Variants in DCAF6 observed in about 807,000 individuals in gnomAD.
DCAF6 encodes DDB1- and CUL4-associated factor 6.
Under a neutral mutation model 125.1 loss-of-function variants are expected in DCAF6, and 54 were observed. That is an observed-to-expected ratio of 0.43 (90% CI 0.35 to 0.54). DCAF6 has a LOEUF of 0.54. Among genes scored for constraint, DCAF6 ranks in the 20% least tolerant of loss-of-function variants. DCAF6 has a pLI of 0.01. For synonymous variants in DCAF6, 371 were observed against 390.4 expected (o/e 0.95, Z 0.58); for missense variants, 934 against 1,161.7 (o/e 0.80, Z 2.85).
rs547435311 is a variant in DCAF6 at position 167,942,984 on chromosome 1, A to G, written c.97+5976A>G. Among the ~76,000 whole-genome samples the G allele has an allele frequency of 3.2e-3, 493 of 152,016 alleles. 12 individuals carry two copies. The highest frequency in any genetic ancestry group is 2.5e-3 in the Non-Finnish European group (173 of 67,934). ...TGCAGTGGCTCGATCTTGGCTCACT[A>G]CAAGCTCCGCCTCCTGGGTTCACAC... On this transcript the variant is annotated intron_variant, in intron 1 of 21. Transcript: ENST00000367840.
At chr1:167,934,497 G>C (rs78979111), upstream of DCAF6, among the ~76,000 whole-genome samples, 4,514 of 152,242 alleles carry the variant, frequency 0.03, 199 homozygotes, top group African/African-American at 0.1. Context: ...TTTTAAATCA[G>C]TAACAAACTG....
chr1:167,917,762 T>C, the DCAF6 span: 1 of 152,276 alleles, frequency 6.6e-6, no homozygotes, highest in Non-Finnish European at 1.5e-5. Context: ...AAACATTATC[T>C]CATTAATCTT....
intron 7 of DCAF6, among the ~76,000 whole-genome samples, chr1:167,999,686 T>G (rs1026974070): frequency 3.3e-5 from 5 of 152,198 alleles, no homozygotes; most frequent in African/African-American, 1.2e-4. Flanking sequence ...TTCAGACTTT[T>G]ATTCTACAGC....
Position 168,066,470 on chromosome 1 carries a change from G to C in DCAF6, c.2685+5G>C. On this transcript the variant is annotated splice_donor_5th_base_variant and intron_variant, in intron 20 of 21. Transcript: ENST00000367840. ...AACCGAAAACTTGCTGATGAAGTAA[G>C]ATTTTTATTGTACTTACTATAGACC... The C allele has an allele frequency of 1.9e-6, 3 of 1,563,134 alleles. No homozygotes were observed. The highest frequency in any genetic ancestry group is 2.6e-6 in the Non-Finnish European group (3 of 1,136,084).
intron 1 of DCAF6, among the ~76,000 whole-genome samples, chr1:167,942,344 A>G (rs1672381056): frequency 1.3e-5 from 2 of 152,160 alleles, no homozygotes; most frequent in South Asian, 2.1e-4. Flanking sequence ...GATTACAAGC[A>G]TGAGCCGCTG....
At chr1:168,073,261 A>C (rs1693366906) in intron 21 of DCAF6, among the ~76,000 whole-genome samples, 1 of 152,204 alleles carries the variant, frequency 6.6e-6, no homozygotes. Flanking sequence ...ACTGTTCTTC[A>C]GACCTCCTTG....
At chr1:168,027,218 A>T (rs80103548) in intron 12 of DCAF6, among the ~76,000 whole-genome samples, 3,038 of 152,222 alleles carry the variant, frequency 0.02, 54 homozygotes, top group Middle Eastern at 0.048. Context: ...AAAAAGGTAG[A>T]GACTTTGTTA....
At chr1:167,950,545 T>G (rs1251692085) in intron 1 of DCAF6, among the ~76,000 whole-genome samples, 1 of 152,204 alleles carries the variant, frequency 6.6e-6, no homozygotes, top group African/African-American at 2.4e-5. Flanking sequence ...ATCTTACCAG[T>G]TAAATAACAT....
chr1:167,947,394 C>A (rs1673238556), intron 1 of DCAF6, among the ~76,000 whole-genome samples: 1 of 146,974 alleles, frequency 6.8e-6, no homozygotes, highest in South Asian at 2.1e-4. Context: ...ATCTTTATTT[C>A]TTTTCTTCTG....
chr1:167,882,055 A>G, the DCAF6 span, among the ~76,000 whole-genome samples: 1 of 152,230 alleles, frequency 6.6e-6, no homozygotes, highest in Non-Finnish European at 1.5e-5. Context: ...TTGTTGAATT[A>G]GTGAGTGAGT....
chr1:167,876,928 T>C, the DCAF6 span, among the ~76,000 whole-genome samples: 3 of 152,128 alleles, frequency 2.0e-5, no homozygotes, highest in Non-Finnish European at 2.9e-5. Context: ...ATGAGACACA[T>C]AGAGCCAGAT....
chr1:167,881,936 C>T, the DCAF6 span, among the ~76,000 whole-genome samples: 5 of 152,202 alleles, frequency 3.3e-5, no homozygotes, highest in African/African-American at 4.8e-5. Context: ...AGAGTTAGTT[C>T]GTCTCATATA....
intron 4 of DCAF6, among the ~76,000 whole-genome samples, chr1:167,979,300 A>G (rs1327325174): frequency 6.6e-6 from 1 of 152,210 alleles, no homozygotes; most frequent in East Asian, 1.9e-4. Context: ...TTTGCCAAAT[A>G]CATATACACA....
intron 4 of DCAF6, among the ~76,000 whole-genome samples, chr1:167,982,249 T>TC (rs1679295858): frequency 6.6e-6 from 1 of 151,894 alleles, no homozygotes; most frequent in East Asian, 1.9e-4. Context: ...TTTTTTAAGT[T>TC]CTTTTTTTTT....
chr1:167,958,989 CAT>C (rs1490968103), intron 2 of DCAF6, among the ~76,000 whole-genome samples: 1 of 152,158 alleles, frequency 6.6e-6, no homozygotes, highest in African/African-American at 2.4e-5. Context: ...ATTATAGTAT[CAT>C]GTGGAGTTGT....
At chr1:167,947,811 T>A (rs1310591425) in intron 1 of DCAF6, among the ~76,000 whole-genome samples, 1 of 152,234 alleles carries the variant, frequency 6.6e-6, no homozygotes, top group Non-Finnish European at 1.5e-5. Flanking sequence ...TGGAGAATGT[T>A]CCATATGCTG....
chr1:167,866,735 TAAAG>T, the DCAF6 span, among the ~76,000 whole-genome samples: 1 of 94,680 alleles, frequency 1.1e-5, no homozygotes, highest in Admixed American at 1.1e-4. Context: ...TCCACAGATA[TAAAG>T]AAAGTTCACT....
intron 20 of DCAF6, among the ~76,000 whole-genome samples, chr1:168,067,722 G>A (rs1692510067): frequency 1.3e-5 from 2 of 152,176 alleles, no homozygotes; most frequent in African/African-American, 4.8e-5. Flanking sequence ...GTTGATCAGA[G>A]TAGCATCTTT....
intron 12 of DCAF6, among the ~76,000 whole-genome samples, chr1:168,027,117 G>A (rs902516541): frequency 1.8e-4 from 27 of 152,174 alleles, no homozygotes; most frequent in Non-Finnish European, 1.5e-5. Flanking sequence ...TTTAAATTTG[G>A]CAACGTGATT....
Sources: gnomAD v4.1 joint callset for allele counts (sites outside exome capture counted in the v4.1 genomes callset) on GRCh38, gnomAD v4.1.1 for gene constraint, MANE v1.5 for transcripts, NCBI Gene and HGNC (gene_info 2026-07-23, HGNC 2026-07-21) for gene names.